The following RIT2 variants were observed in gnomAD, a reference collection of about 807,000 sequenced individuals.
RIT2 encodes Ras like without CAAX 2.
A neutral mutation model predicts 23.7 loss-of-function variants in RIT2; 24 were observed. The observed-to-expected ratio is 1.01, with a 90% confidence interval of 0.73 to 1.43. The LOEUF (loss-of-function observed/expected upper bound fraction) is 1.43, where lower values mean the gene tolerates loss of function less well. Among genes scored for constraint, RIT2 ranks in the 40% most tolerant of loss-of-function variants. The probability of loss-of-function intolerance (pLI) is 0.00; values close to 1 mark genes in which losing one functional copy is unlikely to be tolerated. For missense variants in RIT2, 236 were observed against 266.9 expected, an observed-to-expected ratio of 0.88 and a Z score of 0.81; for synonymous variants, 107 against 91.1, an observed-to-expected ratio of 1.17 and a Z score of -0.99.
intron 4 of RIT2, among the ~76,000 whole-genome samples, chr18:42,803,000 A>C (rs976418105): frequency 5.9e-5 from 9 of 152,164 alleles, no homozygotes; most frequent in South Asian, 2.1e-4. Context: ...GGCCCTGGGC[A>C]AAGCCTTTAC....
At chr18:43,092,833 A>G (rs62090495) in intron 1 of RIT2, among the ~76,000 whole-genome samples, 20,968 of 152,012 alleles carry the variant, frequency 0.14, 1,522 homozygotes, top group South Asian at 0.23. Context: ...CGTAGGTTCT[A>G]TAAACGGTCT....
intron 3 of RIT2, among the ~76,000 whole-genome samples, chr18:42,937,439 T>C (rs946147056): frequency 3.3e-5 from 5 of 152,322 alleles, no homozygotes; most frequent in African/African-American, 1.2e-4. Context: ...ATTTTTATGC[T>C]ACTTGAACCT....
At chr18:42,951,840 A>C (rs1378726210) in intron 3 of RIT2, among the ~76,000 whole-genome samples, 1 of 152,166 alleles carries the variant, frequency 6.6e-6, no homozygotes, top group Non-Finnish European at 1.5e-5. Context: ...TCATGCTGCT[A>C]ATAAAGACAT....
At chr18:43,071,366 A>T (rs2144335563) in intron 1 of RIT2, among the ~76,000 whole-genome samples, 1 of 152,260 alleles carries the variant, frequency 6.6e-6, no homozygotes, top group East Asian at 1.9e-4. Flanking sequence ...TCAACTGGCG[A>T]TGGAGTTGGG....
At chr18:42,963,540 A>G (rs926818518) in intron 3 of RIT2, among the ~76,000 whole-genome samples, 1 of 152,222 alleles carries the variant, frequency 6.6e-6, no homozygotes, top group Admixed American at 6.5e-5. Context: ...TGGGAAAAAA[A>G]GAAGGAAACA....
At chr18:42,903,142 G>GA (rs896057995) in intron 4 of RIT2, among the ~76,000 whole-genome samples, 4 of 151,862 alleles carry the variant, frequency 2.6e-5, no homozygotes, top group Non-Finnish European at 5.9e-5. Context: ...AAAATTATGA[G>GA]AAAAAAATGG....
intron 4 of RIT2, among the ~76,000 whole-genome samples, chr18:42,892,094 C>T (rs1908195502): frequency 6.6e-6 from 1 of 152,128 alleles, no homozygotes; most frequent in Admixed American, 6.6e-5. Flanking sequence ...CACGACAAAC[C>T]TCTCCAGGGT....
intron 1 of RIT2, among the ~76,000 whole-genome samples, chr18:43,092,267 C>T (rs559335494): frequency 5.3e-5 from 8 of 152,166 alleles, no homozygotes; most frequent in Admixed American, 4.6e-4. Context: ...AAAAGAGAGG[C>T]TTATGGAGTT....
chr18:42,950,982 G>A (rs1909838731), intron 3 of RIT2, among the ~76,000 whole-genome samples: 1 of 151,880 alleles, frequency 6.6e-6, no homozygotes, highest in African/African-American at 2.4e-5. Context: ...AAGGAAATTA[G>A]TTCAGCCACT....
rs371759475 is a variant in RIT2, at chr18:43,004,033, C to T, written c.160+29778G>A. Among the ~76,000 whole-genome samples, 706 of 151,758 alleles carry T rather than the reference C, an allele frequency of 4.7e-3. 3 individuals are homozygous for T. Among genetic ancestry groups the T allele is most frequent in the Middle Eastern group, 0.017 (5 of 294 alleles). ...CTGGGTATGCTCTGTACTGATTTTT[C>T]CCCCCGCCAGGTGGCTGTTTCACCT... On this transcript the variant is annotated intron_variant, in intron 2 of 4. Coordinates refer to ENST00000326695, the MANE Select transcript of RIT2 (RefSeq NM_002930.4).
intron 4 of RIT2, among the ~76,000 whole-genome samples, chr18:42,812,968 A>C (rs1905893710): frequency 6.6e-6 from 1 of 152,188 alleles, no homozygotes; most frequent in Non-Finnish European, 1.5e-5. Flanking sequence ...TGTGCTTTAA[A>C]CCATATTCTG....
intron 4 of RIT2, among the ~76,000 whole-genome samples, chr18:42,774,681 C>G (rs761583040): frequency 1.9e-4 from 29 of 150,446 alleles, no homozygotes; most frequent in Non-Finnish European, 3.5e-4. Flanking sequence ...GATAGCCTTA[C>G]TCAATTTGTT....
intron 3 of RIT2, among the ~76,000 whole-genome samples, chr18:42,934,225 C>T (rs563154117): frequency 2.6e-5 from 4 of 152,000 alleles, no homozygotes; most frequent in Non-Finnish European, 5.9e-5. Flanking sequence ...AGTAACTGTG[C>T]TCAATCAAAT....
intron 2 of RIT2, among the ~76,000 whole-genome samples, chr18:42,990,007 A>ATGTGTGTG (rs1491471117): frequency 1.4e-5 from 1 of 70,306 alleles, no homozygotes; most frequent in African/African-American, 4.1e-5. Flanking sequence ...GTATTTACAG[A>ATGTGTGTG]TATGTGTGTG....
chr18:42,837,791 T>A (rs905136205), intron 4 of RIT2, among the ~76,000 whole-genome samples: 16 of 152,150 alleles, frequency 1.1e-4, no homozygotes, highest in Admixed American at 1.0e-3. Flanking sequence ...TTTGTTTTTA[T>A]TTACATGTAA....
rs1339094588 is a variant in RIT2, at chr18:42,871,861, A to G, written c.426+51711T>C. Among the ~76,000 whole-genome samples the G allele has an allele frequency of 7.2e-5, 11 of 152,348 alleles. No individual in the cohort carries two copies. In the South Asian group the frequency reaches 1.9e-3, roughly 26 times the overall value. ...TAACACTTAGCTTCTCTAAGTAACA[A>G]GACTTATTTCAAATGATCTGGGGAC... is the stretch of plus-strand genomic sequence containing the variant. On this transcript the variant is annotated intron_variant, in intron 4 of 4. Transcript: ENST00000326695.
intron 4 of RIT2, among the ~76,000 whole-genome samples, chr18:42,757,673 A>G (rs147980648): frequency 6.6e-6 from 1 of 152,260 alleles, no homozygotes; most frequent in East Asian, 1.9e-4. Context: ...TTATATTTCA[A>G]TCTTAGCAGA....
At chr18:42,772,477 C>T (rs572400680) in intron 4 of RIT2, among the ~76,000 whole-genome samples, 4 of 151,984 alleles carry the variant, frequency 2.6e-5, no homozygotes, top group African/African-American at 9.6e-5. Context: ...ATCCAATAAA[C>T]TTCTAGGCCT....
At chr18:42,744,377 G>C (rs925692591) in intron 4 of RIT2, among the ~76,000 whole-genome samples, 12 of 152,094 alleles carry the variant, frequency 7.9e-5, no homozygotes, top group Non-Finnish European at 1.3e-4. Context: ...TAGAATTTTA[G>C]AATTTGAAGG....
Sources: allele counts gnomAD v4.1 joint callset (sites outside exome capture counted in the v4.1 genomes callset), GRCh38; gene constraint gnomAD v4.1.1; transcripts MANE v1.5; gene names NCBI Gene and HGNC (gene_info 2026-07-23, HGNC 2026-07-21).